The following CAB39L variants were observed in gnomAD, a reference collection of about 807,000 sequenced individuals.
The protein encoded by CAB39L is calcium binding protein 39 like, also known as calcium-binding protein 39-like.
In CAB39L, 23 loss-of-function variants were observed where a neutral mutation model predicts 39.1. The ratio of observed to expected loss-of-function variants is 0.59; its 90% CI spans 0.42 to 0.83. CAB39L has a LOEUF of 0.83. CAB39L is among the 40% of genes least tolerant of loss of function. CAB39L has a pLI of 0.00. For synonymous variants in CAB39L, 126 were observed against 137.2 expected, an observed-to-expected ratio of 0.92 and a Z score of 0.57; for missense variants, 366 against 391.9, an observed-to-expected ratio of 0.93 and a Z score of 0.56.
intron 3 of CAB39L, among the ~76,000 whole-genome samples, chr13:49,390,720 CAATAGAA>C (rs1397373830): frequency 6.6e-6 from 1 of 152,060 alleles, no homozygotes; most frequent in East Asian, 1.9e-4. Flanking sequence ...ACATGCAATG[CAATAGAA>C]TAGCTGATTG....
intron 3 of CAB39L, among the ~76,000 whole-genome samples, chr13:49,404,548 A>G (rs376695674): frequency 6.6e-6 from 1 of 152,158 alleles, no homozygotes; most frequent in South Asian, 2.1e-4. Context: ...AGAAGCATCA[A>G]GACCATCCAG....
At chr13:49,379,514 C>A (rs1214326162) in intron 4 of CAB39L, among the ~76,000 whole-genome samples, 1 of 46,014 alleles carries the variant, frequency 2.2e-5, no homozygotes, top group Non-Finnish European at 4.1e-5. Context: ...CGTTAAGAGT[C>A]ATCACCAATC....
intron 10 of CAB39L, among the ~76,000 whole-genome samples, chr13:49,324,012 T>C (rs1303940556): frequency 1.3e-5 from 2 of 152,118 alleles, no homozygotes; most frequent in South Asian, 2.1e-4. Flanking sequence ...GTTTCCTTCC[T>C]TTAAGAACAT....
intron 3 of CAB39L, among the ~76,000 whole-genome samples, chr13:49,388,692 T>C (rs1332434902): frequency 1.3e-5 from 2 of 152,206 alleles, no homozygotes; most frequent in Non-Finnish European, 2.9e-5. Context: ...TGTATATTGT[T>C]GGCAGAACAT....
intron 3 of CAB39L, among the ~76,000 whole-genome samples, chr13:49,417,553 T>C (rs1376764149): frequency 6.6e-6 from 1 of 152,180 alleles, no homozygotes; most frequent in Non-Finnish European, 1.5e-5. Flanking sequence ...GTTAACGATA[T>C]TAAAAATATT....
chr13:49,308,695 T>C lies in CAB39L; in HGVS notation c.*2119A>G, dbSNP rs770454111. 2.0e-5 allele frequency: 3 copies of C among 152,612 alleles called. No individual in the cohort carries two copies. The highest frequency in any genetic ancestry group is 4.4e-5 in the Non-Finnish European group (3 of 68,020). The allele number at this position is 152,612 out of a possible 1,614,324, so 9.5% of individuals were successfully genotyped here. A position where few individuals can be genotyped will look rare whatever the true frequency, so the allele number is the denominator to read the frequency against. On this transcript the variant is annotated 3_prime_UTR_variant, in exon 11 of 11. Coordinates refer to ENST00000409308, the MANE Select transcript of CAB39L (RefSeq NM_001079670.3). The stretch of plus-strand genomic sequence containing the variant: ...GTCAGTCTTCATTTAAATGTGTGCT[T>C]TTGAAATCACTAAATATGACCTTTT...
At chr13:49,317,459 G>A (rs573764394) in intron 10 of CAB39L, among the ~76,000 whole-genome samples, 47 of 152,270 alleles carry the variant, frequency 3.1e-4, no homozygotes, top group Non-Finnish European at 5.3e-4. Flanking sequence ...GAGCCTGGGA[G>A]GTTGAGGATG....
rs541837751 is a variant in CAB39L at position 49,379,899 on chromosome 13, T to A, written c.112-2768A>T. 3.3e-5 allele frequency among the ~76,000 whole-genome samples: 5 copies of A among 151,820 alleles called. No individual in the cohort carries two copies. In the South Asian group the frequency reaches 6.3e-4, roughly 19 times the overall value. On this transcript the variant is annotated intron_variant, in intron 4 of 10. Coordinates refer to ENST00000409308, the MANE Select transcript of CAB39L (RefSeq NM_001079670.3). ...CTCTGTTGCCCAGGCTGGAGTGCAG[T>A]GGCACAATCTTGGCTCACTGCAAGC...
chr13:49,347,643 T>C (rs1394900438), intron 7 of CAB39L, among the ~76,000 whole-genome samples: 3 of 152,210 alleles, frequency 2.0e-5, no homozygotes, highest in Non-Finnish European at 2.9e-5. Flanking sequence ...GTATTTAATG[T>C]CATTCTTCAT....
intron 10 of CAB39L, among the ~76,000 whole-genome samples, chr13:49,322,214 T>TA (rs1234966566): frequency 6.6e-6 from 1 of 152,208 alleles, no homozygotes; most frequent in Non-Finnish European, 1.5e-5. Context: ...AGCTTTGCCG[T>TA]ATTCTAGACA....
chr13:49,378,595 C>T (rs1278219816), intron 4 of CAB39L, among the ~76,000 whole-genome samples: 1 of 68,592 alleles, frequency 1.5e-5, no homozygotes, highest in Non-Finnish European at 2.9e-5. Flanking sequence ...GTGGGGGGGT[C>T]AGCCCTCCGC....
chr13:49,442,665 G>A lies in CAB39L; in HGVS notation c.-246+1321C>T, dbSNP rs148010537. Among the ~76,000 whole-genome samples the A allele has an allele frequency of 3.0e-3, 456 of 151,810 alleles. 23 individuals carry two copies. In the East Asian group the frequency reaches 0.082, roughly 27 times the overall value. ...AAATTAGCTGGGCGTGATGGCCGGTGTCTGTAGTCCCAGCTACTCAGGAGG... is the reference window on the plus strand; with the variant it reads ...AAATTAGCTGGGCGTGATGGCCGGTATCTGTAGTCCCAGCTACTCAGGAGG... On this transcript the variant is annotated intron_variant, in intron 1 of 10. Coordinates refer to ENST00000409308, the MANE Select transcript of CAB39L (RefSeq NM_001079670.3).
chr13:49,408,211 A>G (rs1316122600), intron 3 of CAB39L, among the ~76,000 whole-genome samples: 1 of 152,230 alleles, frequency 6.6e-6, no homozygotes. Context: ...AAATATGGAT[A>G]GTAATTGAGA....
At chr13:49,428,258 T>C (rs1315611004) in intron 3 of CAB39L, among the ~76,000 whole-genome samples, 1 of 152,222 alleles carries the variant, frequency 6.6e-6, no homozygotes, top group East Asian at 1.9e-4. Context: ...GCAATCATCA[T>C]GAAGTTTGAC....
At chr13:49,357,701 A>G (rs1250122483) in intron 6 of CAB39L, among the ~76,000 whole-genome samples, 1 of 152,172 alleles carries the variant, frequency 6.6e-6, no homozygotes, top group Non-Finnish European at 1.5e-5. Context: ...TTCTGATGAT[A>G]ATCTCTTCCC....
intron 5 of CAB39L, among the ~76,000 whole-genome samples, chr13:49,361,778 A>T (rs1955644918): frequency 6.6e-6 from 1 of 151,966 alleles, no homozygotes; most frequent in Non-Finnish European, 1.5e-5. Context: ...ATTCTTTAAG[A>T]TTCAGTTCAG....
At chr13:49,422,617 ATT>A (rs1215728098) in intron 3 of CAB39L, among the ~76,000 whole-genome samples, 6 of 143,986 alleles carry the variant, frequency 4.2e-5, no homozygotes, top group African/African-American at 7.6e-5. Flanking sequence ...TTCTCCCTTA[ATT>A]TTTTTTTTTT....
At chr13:49,360,690 AC>A (rs1955607599) in intron 5 of CAB39L, among the ~76,000 whole-genome samples, 1 of 152,152 alleles carries the variant, frequency 6.6e-6, no homozygotes, top group South Asian at 2.1e-4. Context: ...GGAGGGCAGG[AC>A]CTGGTGCGAG....
chr13:49,399,812 A>T (rs573141382), intron 3 of CAB39L, among the ~76,000 whole-genome samples: 50 of 152,236 alleles, frequency 3.3e-4, no homozygotes, highest in Middle Eastern at 3.4e-3. Context: ...CAGTCTAAGA[A>T]GGACTGAGCA....
Sources: allele counts gnomAD v4.1 joint callset (sites outside exome capture counted in the v4.1 genomes callset), GRCh38; gene constraint gnomAD v4.1.1; transcripts MANE v1.5; gene names NCBI Gene and HGNC (gene_info 2026-07-23, HGNC 2026-07-21).